ANO10: variants seen among roughly 807,000 people sequenced by gnomAD.
The protein encoded by ANO10 is anoctamin-10.
ANO10 carries 77 observed loss-of-function variants against 74.7 expected under a neutral mutation model. That is an observed-to-expected ratio of 1.03 (90% CI 0.86 to 1.25). The LOEUF (loss-of-function observed/expected upper bound fraction) is 1.25. ANO10 is among the 50% of genes most tolerant of loss of function. The pLI is 0.00. For synonymous variants in ANO10, 279 were observed against 284.9 expected (o/e 0.98, Z 0.21); for missense variants, 721 against 778.1 (o/e 0.93, Z 0.87).
intron 11 of ANO10, among the ~76,000 whole-genome samples, chr3:43,543,092 G>A (rs2079025987): frequency 6.6e-6 from 1 of 152,118 alleles, no homozygotes; most frequent in Admixed American, 6.5e-5. Context: ...ATCCACATTT[G>A]TATAGTTTCA....
chr3:43,395,015 C>CT (rs1559504920), intron 12 of ANO10, among the ~76,000 whole-genome samples: 1 of 152,090 alleles, frequency 6.6e-6, no homozygotes, highest in African/African-American at 2.4e-5. Flanking sequence ...TGCTGCTTGG[C>CT]TTTTTCTCCT....
intron 4 of ANO10, among the ~76,000 whole-genome samples, chr3:43,584,456 G>C (rs1408289421): frequency 2.0e-5 from 3 of 152,196 alleles, no homozygotes; most frequent in Non-Finnish European, 4.4e-5. Flanking sequence ...ACCCTGAAGG[G>C]AGAGCCGACC....
chr3:43,420,830 C>T (rs2092808963), intron 12 of ANO10, among the ~76,000 whole-genome samples: 1 of 152,204 alleles, frequency 6.6e-6, no homozygotes, highest in Non-Finnish European at 1.5e-5. Context: ...TATAAATCTA[C>T]ATTTCTGGAG....
chr3:43,381,789 C>G (rs751590620), intron 12 of ANO10, among the ~76,000 whole-genome samples: 5 of 152,186 alleles, frequency 3.3e-5, no homozygotes, highest in Admixed American at 1.3e-4. Context: ...GCACATGGAA[C>G]ATTCTCCAAG....
intron 1 of ANO10, among the ~76,000 whole-genome samples, chr3:43,619,231 C>T (rs1393991284): frequency 2.0e-5 from 3 of 152,208 alleles, no homozygotes; most frequent in Admixed American, 1.3e-4. Context: ...GCCTGCTTCA[C>T]TTTACAGGTC....
At chr3:43,482,122 G>T (rs1297351320) in intron 11 of ANO10, among the ~76,000 whole-genome samples, 1 of 151,774 alleles carries the variant, frequency 6.6e-6, no homozygotes, top group Non-Finnish European at 1.5e-5. Flanking sequence ...TAGAGACAGG[G>T]TTTCGCCGTG....
At chr3:43,613,721 C>A (rs2082947965) in intron 1 of ANO10, among the ~76,000 whole-genome samples, 1 of 152,154 alleles carries the variant, frequency 6.6e-6, no homozygotes, top group South Asian at 2.1e-4. Context: ...AATACAGAGG[C>A]TGAGTTCATC....
intron 11 of ANO10, among the ~76,000 whole-genome samples, chr3:43,509,809 G>A (rs2077442534): frequency 6.6e-6 from 1 of 152,180 alleles, no homozygotes; most frequent in South Asian, 2.1e-4. Flanking sequence ...ATGTCCTTCA[G>A]TGGGTGAATG....
At chr3:43,524,789 A>G (rs560229371) in intron 11 of ANO10, among the ~76,000 whole-genome samples, 2 of 152,160 alleles carry the variant, frequency 1.3e-5, no homozygotes, top group Non-Finnish European at 2.9e-5. Context: ...TACCCAAGCC[A>G]GAAACCTACA....
At chr3:43,591,348 G>C (rs2081743613) in intron 4 of ANO10, among the ~76,000 whole-genome samples, 1 of 152,172 alleles carries the variant, frequency 6.6e-6, no homozygotes, top group Non-Finnish European at 1.5e-5. Flanking sequence ...TAAGTGCCCA[G>C]GTTCATCCTA....
intron 1 of ANO10, among the ~76,000 whole-genome samples, chr3:43,615,237 T>G (rs1214787208): frequency 1.3e-5 from 2 of 152,010 alleles, no homozygotes; most frequent in Non-Finnish European, 2.9e-5. Context: ...AAGAGAAAAC[T>G]TAGGTGAAAG....
intron 4 of ANO10, among the ~76,000 whole-genome samples, chr3:43,595,088 C>A (rs183552568): frequency 6.6e-6 from 1 of 152,100 alleles, no homozygotes; most frequent in Admixed American, 6.6e-5. Flanking sequence ...CTGAATAGAC[C>A]AATAACAGAC....
intron 4 of ANO10, among the ~76,000 whole-genome samples, chr3:43,581,708 T>A (rs556817827): frequency 6.6e-6 from 1 of 152,074 alleles, no homozygotes; most frequent in East Asian, 1.9e-4. Flanking sequence ...TTGCTTGAGG[T>A]CAGGAGTTCA....
chr3:43,453,308 T>C (rs927484031), intron 11 of ANO10, among the ~76,000 whole-genome samples: 3 of 151,640 alleles, frequency 2.0e-5, no homozygotes, highest in African/African-American at 7.3e-5. Flanking sequence ...GCCTCCCAAG[T>C]AGCTGGGACT....
At chr3:43,607,762 T>G (rs929173696) in intron 1 of ANO10, among the ~76,000 whole-genome samples, 3 of 152,152 alleles carry the variant, frequency 2.0e-5, no homozygotes, top group Non-Finnish European at 4.4e-5. Flanking sequence ...TGATCATATA[T>G]TCAAAGAACT....
At chr3:43,521,842 T>C (rs78879443) in intron 11 of ANO10, among the ~76,000 whole-genome samples, 22,202 of 152,158 alleles carry the variant, frequency 0.15, 2,050 homozygotes, top group African/African-American at 0.25. Context: ...TGTATGCCAA[T>C]ATTCACTGCA....
intron 12 of ANO10, among the ~76,000 whole-genome samples, chr3:43,392,407 C>T (rs2092294577): frequency 6.6e-6 from 1 of 152,158 alleles, no homozygotes; most frequent in South Asian, 2.1e-4. Flanking sequence ...ATAATATATC[C>T]TGTTCTGCAT....
intron 7 of ANO10, among the ~76,000 whole-genome samples, chr3:43,574,183 G>A (rs985168463): frequency 5.9e-5 from 9 of 151,812 alleles, no homozygotes; most frequent in African/African-American, 9.7e-5. Flanking sequence ...TCAAACTCCC[G>A]GCCTCAAGTG....
chr3:43,556,661 A>G (rs1192723775), intron 9 of ANO10, among the ~76,000 whole-genome samples: 1 of 152,192 alleles, frequency 6.6e-6, no homozygotes, highest in Non-Finnish European at 1.5e-5. Flanking sequence ...ATTAACCAAG[A>G]CACAATCTAC....
Sources: gnomAD v4.1 joint callset for allele counts (sites outside exome capture counted in the v4.1 genomes callset) on GRCh38, gnomAD v4.1.1 for gene constraint, MANE v1.5 for transcripts, NCBI Gene and HGNC (gene_info 2026-07-23, HGNC 2026-07-21) for gene names.